Variants in FXR2 observed in about 807,000 individuals in gnomAD.
FXR2 encodes FMR1 autosomal homolog 2, also known as RNA-binding protein FXR2.
A neutral mutation model predicts 87.3 loss-of-function variants in FXR2; 9 were observed. The ratio of observed to expected loss-of-function variants is 0.10; its 90% confidence interval spans 0.06 to 0.18. FXR2 has a LOEUF of 0.18. FXR2 is among the 10% of genes least tolerant of loss of function. FXR2 has a pLI of 1.00. For synonymous variants in FXR2, 331 were observed against 328.3 expected (o/e 1.01, Z -0.09); for missense variants, 661 against 893.6 (o/e 0.74, Z 3.32).
chr17:7,608,581 G>A (rs1351077639), intron 1 of FXR2, among the ~76,000 whole-genome samples: 1 of 149,792 alleles, frequency 6.7e-6, no homozygotes, highest in South Asian at 2.1e-4. Context: ...TCATGCCATC[G>A]CACTGCAGCC....
chr17:7,609,981 TATATATATACATGTATATGTATAC>T (rs1567753922), intron 1 of FXR2, among the ~76,000 whole-genome samples: 8 of 48,542 alleles, frequency 1.6e-4, no homozygotes, highest in Non-Finnish European at 4.6e-4. Flanking sequence ...TATGTATACA[TATATATATACATGTATATGTATAC>T]ATATATATAT....
Position 7,593,851 on chromosome 17 carries a change from A to C in FXR2, c.1107+67T>G. The C allele has an allele frequency of 9.5e-7, 1 of 1,053,430 alleles. No individual in the cohort carries two copies. Among genetic ancestry groups the C allele is most frequent in the Non-Finnish European group, 1.5e-6 (1 of 671,140 alleles). 65.3% of individuals were successfully genotyped at this position (1,053,430 alleles called of 1,614,324 possible). ...GACAAACAGAGAACCAAAATCCCTG[A>C]GCTGACCCCCACAGCAGTCTTAGTT... On this transcript the variant is annotated intron_variant, in intron 11 of 16. Coordinates refer to ENST00000250113, the MANE Select transcript of FXR2 (RefSeq NM_004860.4). This position sits in a 1 kb window ranked among gnomAD's most constrained non-coding sequence, Gnocchi z 6.1.
intron 1 of FXR2, among the ~76,000 whole-genome samples, chr17:7,607,980 A>T (rs2071817357): frequency 6.6e-6 from 1 of 151,258 alleles, no homozygotes; most frequent in African/African-American, 2.4e-5. Context: ...TAAGAGAGAC[A>T]GGGTTTCTCC....
Position 7,591,989 on chromosome 17 carries a change from G to A in FXR2, c.1927-64C>T, listed in dbSNP as rs2071665795. 13 of 1,215,372 alleles carry A rather than the reference G, an allele frequency of 1.1e-5. 1 individual carries two copies. Among genetic ancestry groups the A allele is most frequent in the Non-Finnish European group, 1.5e-5 (13 of 848,990 alleles). The allele number at this position is 1,215,372 out of a possible 1,614,324, so 75.3% of individuals were successfully genotyped here. A position where few individuals can be genotyped will look rare whatever the true frequency, so the allele number is the denominator to read the frequency against. The stretch of plus-strand genomic sequence containing the variant: ...GCGGTGAGTAGAAATTCAGGTGGGA[G>A]ACATTCCCTACCATCCAAGCCCTCC... On this transcript the variant is annotated intron_variant, in intron 16 of 16. Transcript: ENST00000250113. The surrounding 1 kb of genome is among the most constrained non-coding windows in gnomAD (Gnocchi z 4.0).
chr17:7,612,074 T>C (rs1046772740), intron 1 of FXR2, among the ~76,000 whole-genome samples: 6 of 152,324 alleles, frequency 3.9e-5, no homozygotes, highest in Non-Finnish European at 7.4e-5. Flanking sequence ...TCAGAGAGAC[T>C]TTCTGCTGGA....
chr17:7,591,657 C>A lies in FXR2; in HGVS notation c.*173G>T. 1 of 648,190 alleles carries A rather than the reference C, an allele frequency of 1.5e-6. No homozygotes were observed. Among genetic ancestry groups the A allele is most frequent in the Non-Finnish European group, 2.8e-6 (1 of 355,838 alleles). The allele number at this position is 648,190 out of a possible 1,614,324, so 40.2% of individuals were successfully genotyped here. ...GGTGGACAAGAGGGAGGGGGTATGA[C>A]CCTGTTACACACCCCTCCACTAGCT... On this transcript the variant is annotated 3_prime_UTR_variant, in exon 17 of 17. Coordinates refer to ENST00000250113, the MANE Select transcript of FXR2 (RefSeq NM_004860.4). The surrounding 1 kb of genome is among the most constrained non-coding windows in gnomAD (Gnocchi z 4.0).
intron 3 of FXR2, among the ~76,000 whole-genome samples, chr17:7,604,814 T>C (rs2071789997): frequency 6.7e-6 from 1 of 149,704 alleles, no homozygotes; most frequent in South Asian, 2.2e-4. Flanking sequence ...CTCCACTTCC[T>C]GGGTTCAAGC....
chr17:7,601,561 G>T (rs745836629), intron 6 of FXR2, 36 bp from the exon 7 acceptor site: 4 of 1,274,800 alleles, frequency 3.1e-6, no homozygotes, highest in African/African-American at 1.5e-5. Context: ...ATTAAAACTG[G>T]CTTGGAATAA....
In FXR2 at chr17:7,609,125, A is replaced by G. The variant is rs1032181259; in HGVS notation, c.82-2976T>C. ...GACCGTGACTCAAAAAACAAAATAAATAAACAAAAATAAAAGAATTAGAGG... is the reference window on the plus strand; with the variant it reads ...GACCGTGACTCAAAAAACAAAATAAGTAAACAAAAATAAAAGAATTAGAGG... On this transcript the variant is annotated intron_variant, in intron 1 of 16. Transcript: ENST00000250113. Among the ~76,000 whole-genome samples, 6 of 152,224 alleles carry G rather than the reference A, an allele frequency of 3.9e-5. No homozygotes were observed. The South Asian group carries it at 1.0e-3, about 26-fold the overall frequency.
rs990586128 is a variant in FXR2, at chr17:7,593,422, C to A, written c.1311G>T (p.Arg437Ser). ...GSYGGRGRGR[R>S]TGGPAYGPSS... Reference sequence around the variant, plus strand: ...TCTCACCATAGGCAGGACCGCCTGTCCTCCGGCCACGGCCACGGCCCCCAT... The same window carrying A: ...TCTCACCATAGGCAGGACCGCCTGTACTCCGGCCACGGCCACGGCCCCCAT... The change falls in exon 12 of 17, where the codon AGG (arginine) becomes AGT (serine). Residue 437 changes from arginine (R) to serine (S), a missense_variant. Transcript: ENST00000250113. This position sits in a 1 kb window ranked among gnomAD's most constrained non-coding sequence, Gnocchi z 6.1. The A allele has an allele frequency of 6.3e-7, 1 of 1,577,402 alleles. No homozygotes were observed. Among genetic ancestry groups the A allele is most frequent in the Non-Finnish European group, 8.6e-7 (1 of 1,162,152 alleles).
intron 7 of FXR2, among the ~76,000 whole-genome samples, chr17:7,598,601 T>G (rs1382824331): frequency 6.6e-6 from 1 of 151,992 alleles, no homozygotes; most frequent in Non-Finnish European, 1.5e-5. Flanking sequence ...TTTGTATCGG[T>G]CTCCCTTTGC....
intron 1 of FXR2, chr17:7,614,089 G>A (rs1208323749): frequency 4.0e-6 from 2 of 503,396 alleles, no homozygotes; most frequent in Admixed American, 2.3e-5. Flanking sequence ...TGGATCGTGG[G>A]GAAGATGTGA....
intron 7 of FXR2, among the ~76,000 whole-genome samples, chr17:7,601,113 G>C (rs2071751952): frequency 1.3e-5 from 2 of 151,932 alleles, no homozygotes; most frequent in East Asian, 3.9e-4. Flanking sequence ...CAGGAGGCAG[G>C]GGTTGCAGTG....
chr17:7,605,882 T>C, intron 2 of FXR2, 144 bp from the exon 3 acceptor site: 1 of 659,320 alleles, frequency 1.5e-6, no homozygotes, highest in Non-Finnish European at 2.7e-6. Flanking sequence ...TCCATAGTAG[T>C]GTCTTCCATC....
In FXR2 at chr17:7,592,130, G is replaced by A; in HGVS notation, c.1926+124C>T. On this transcript the variant is annotated intron_variant, in intron 16 of 16. Coordinates refer to ENST00000250113, the MANE Select transcript of FXR2 (RefSeq NM_004860.4). This position sits in a 1 kb window ranked among gnomAD's most constrained non-coding sequence, Gnocchi z 4.8. ...TCTATCCTATTCAAAGTTTACACTGGTCTAAACTCCATCAGACACAGCTGC... is the reference window on the plus strand; with the variant it reads ...TCTATCCTATTCAAAGTTTACACTGATCTAAACTCCATCAGACACAGCTGC... 1 of 1,520,938 alleles carries A rather than the reference G, an allele frequency of 6.6e-7. No homozygotes were observed. Among genetic ancestry groups the A allele is most frequent in the South Asian group, 1.3e-5 (1 of 76,632 alleles). The allele number at this position is 1,520,938 out of a possible 1,614,324, so 94.2% of individuals were successfully genotyped here. A position where few individuals can be genotyped will look rare whatever the true frequency, so the allele number is the denominator to read the frequency against.
chr17:7,604,446 A>G (rs2071785979), intron 3 of FXR2, among the ~76,000 whole-genome samples: 2 of 152,058 alleles, frequency 1.3e-5, no homozygotes, highest in African/African-American at 2.4e-5. Flanking sequence ...CCATAATCCC[A>G]GGACTTTGGC....
rs1213069103 is a variant in FXR2, at chr17:7,592,743, C to T, written c.1680G>A (p.Met560Ile). 2 of 1,613,272 alleles carry T rather than the reference C, an allele frequency of 1.2e-6. No homozygotes were observed. The highest frequency in any genetic ancestry group is 1.1e-5 in the South Asian group (1 of 91,044). The part of the protein sequence containing the change: ...RRRTDEDRTV[M>I]DGGLESDGPN... ...GCCCATCTGATTCCAGGCCTCCATC[C>T]ATGACGGTCCTGTCTTCATCAGTGC... is the stretch of plus-strand genomic sequence containing the variant. The change falls in exon 14 of 17, where the codon ATG (methionine) becomes ATA (isoleucine). Residue 560 changes from methionine (M) to isoleucine (I), a missense_variant. Around this residue, in one of 3 missense-constraint regions of FXR2, gnomAD observed 409 missense variants for 432.0 expected, o/e 0.95. Coordinates refer to ENST00000250113, the MANE Select transcript of FXR2 (RefSeq NM_004860.4). The surrounding 1 kb of genome is among the most constrained non-coding windows in gnomAD (Gnocchi z 4.8).
At chr17:7,611,052 A>T (rs917584325) in intron 1 of FXR2, among the ~76,000 whole-genome samples, 4 of 152,228 alleles carry the variant, frequency 2.6e-5, no homozygotes, top group Non-Finnish European at 5.9e-5. Flanking sequence ...GTTGATTAAG[A>T]AAGGAATGGG....
At chr17:7,613,318 T>C (rs1272664964) in intron 1 of FXR2, among the ~76,000 whole-genome samples, 1 of 152,058 alleles carries the variant, frequency 6.6e-6, no homozygotes, top group East Asian at 1.9e-4. Flanking sequence ...TCTAGGACAA[T>C]TCCAGGCATC....
Sources: gnomAD v4.1 joint callset for allele counts (sites outside exome capture counted in the v4.1 genomes callset) on GRCh38, gnomAD v4.1.1 for gene constraint, gnomAD v4.1.1 regional missense constraint, Gnocchi (gnomAD v3.1) non-coding constraint, MANE v1.5 for transcripts, NCBI Gene and HGNC (gene_info 2026-07-23, HGNC 2026-07-21) for gene names.